The following RSRC1 variants were observed in gnomAD, a reference collection of about 807,000 sequenced individuals.
RSRC1 encodes serine/Arginine-related protein 53.
Under a neutral mutation model 49.1 loss-of-function variants are expected in RSRC1, and 39 were observed. That is an observed-to-expected ratio of 0.79 (90% CI 0.61 to 1.04). The LOEUF is 1.04. Ranked by LOEUF, RSRC1 falls within the 50% of genes least tolerant of loss-of-function variation. The probability of loss-of-function intolerance (pLI) is 0.00; values close to 1 mark genes in which losing one functional copy is unlikely to be tolerated. For synonymous variants in RSRC1, 143 were observed against 130.8 expected (o/e 1.09, Z -0.63); for missense variants, 388 against 402.4 (o/e 0.96, Z 0.31).
chr3:158,423,403 T>A (rs1459489775), intron 6 of RSRC1, among the ~76,000 whole-genome samples: 2 of 152,080 alleles, frequency 1.3e-5, no homozygotes, highest in African/African-American at 4.8e-5. Context: ...GCGGTGTTAT[T>A]TCTGAGGGCT....
intron 5 of RSRC1, among the ~76,000 whole-genome samples, chr3:158,304,400 T>C (rs1727730359): frequency 6.6e-6 from 1 of 152,132 alleles, no homozygotes. Context: ...AGTTAATGGA[T>C]CATTATCATA....
chr3:158,442,405 C>A (rs1306698362), intron 6 of RSRC1, among the ~76,000 whole-genome samples: 2 of 152,038 alleles, frequency 1.3e-5, no homozygotes, highest in East Asian at 3.9e-4. Context: ...TTAACAATGT[C>A]CCCAACATCT....
chr3:158,193,155 A>G (rs992495250), intron 3 of RSRC1, among the ~76,000 whole-genome samples: 43 of 152,090 alleles, frequency 2.8e-4, no homozygotes, highest in African/African-American at 1.0e-3. Flanking sequence ...GTCATTTTGC[A>G]GATAAGGAAA....
At chr3:158,281,342 T>C (rs1372336679) in intron 4 of RSRC1, among the ~76,000 whole-genome samples, 1 of 151,948 alleles carries the variant, frequency 6.6e-6, no homozygotes, top group African/African-American at 2.4e-5. Flanking sequence ...TTTTTTTTTT[T>C]AGATATCCAA....
chr3:158,136,410 CTTGG>C (rs1286335977), intron 3 of RSRC1, among the ~76,000 whole-genome samples: 1 of 152,122 alleles, frequency 6.6e-6, no homozygotes, highest in Non-Finnish European at 1.5e-5. Flanking sequence ...CTATTGCTTG[CTTGG>C]TAAACTTCTA....
intron 7 of RSRC1, among the ~76,000 whole-genome samples, chr3:158,467,556 T>C (rs1485087976): frequency 1.3e-5 from 2 of 152,306 alleles, no homozygotes; most frequent in Non-Finnish European, 1.5e-5. Context: ...ATACTCACCA[T>C]AGTATGCACC....
At chr3:158,453,702 T>G (rs1737170787) in intron 6 of RSRC1, among the ~76,000 whole-genome samples, 1 of 152,096 alleles carries the variant, frequency 6.6e-6, no homozygotes, top group Non-Finnish European at 1.5e-5. Context: ...TTTTTAACCT[T>G]TTCGGGTTCT....
At chr3:158,263,070 G>T (rs1315422887) in intron 4 of RSRC1, among the ~76,000 whole-genome samples, 1 of 152,042 alleles carries the variant, frequency 6.6e-6, no homozygotes, top group Admixed American at 6.5e-5. Context: ...GCACAGCATT[G>T]AATAGAAGCA....
chr3:158,438,206 A>G (rs1443283139), intron 6 of RSRC1, among the ~76,000 whole-genome samples: 2 of 152,172 alleles, frequency 1.3e-5, no homozygotes. Flanking sequence ...ATGCTCATGG[A>G]TAGAAAGAAT....
At chr3:158,167,948 C>T (rs143679851) in intron 3 of RSRC1, among the ~76,000 whole-genome samples, 16 of 152,232 alleles carry the variant, frequency 1.1e-4, no homozygotes, top group South Asian at 6.2e-4. Context: ...GGAGCAAAGG[C>T]GAGACATTCT....
chr3:158,515,953 C>T (rs1740500477), intron 7 of RSRC1, among the ~76,000 whole-genome samples: 1 of 150,962 alleles, frequency 6.6e-6, no homozygotes, highest in Non-Finnish European at 1.5e-5. Flanking sequence ...GCTCCATCAG[C>T]TCCTTTAAGC....
intron 3 of RSRC1, among the ~76,000 whole-genome samples, chr3:158,130,717 G>T (rs1239117333): frequency 6.6e-6 from 1 of 152,128 alleles, no homozygotes; most frequent in Admixed American, 6.5e-5. Context: ...GCATCATTCT[G>T]GCACTCAGAA....
intron 7 of RSRC1, among the ~76,000 whole-genome samples, chr3:158,479,458 G>A (rs781523600): frequency 9.9e-5 from 15 of 151,824 alleles, no homozygotes; most frequent in Non-Finnish European, 2.1e-4. Context: ...TTCCAAATGA[G>A]TTTGGTTTAA....
rs868428900 is a variant in RSRC1, at chr3:158,518,119, T to C, written c.653-18973T>C. Among the ~76,000 whole-genome samples, 222 of 69,944 alleles carry C rather than the reference T, an allele frequency of 3.2e-3. 4 individuals carry two copies. The highest frequency in any genetic ancestry group is 0.012 in the African/African-American group (163 of 13,598). The allele number at this position is 69,944 out of a possible 152,430, so 45.9% of individuals were successfully genotyped here. ...GCGTGTGTGTGTGTGTGTGTGTGTG[T>C]GTGTGTGTATATATATATATATATA... is the stretch of plus-strand genomic sequence containing the variant. On this transcript the variant is annotated intron_variant, in intron 7 of 9. Transcript: ENST00000611884.
chr3:158,280,637 C>CTTT (rs146925471), intron 4 of RSRC1, among the ~76,000 whole-genome samples: 1 of 63,984 alleles, frequency 1.6e-5, no homozygotes, highest in Non-Finnish European at 2.7e-5. Context: ...GAAGTGATTC[C>CTTT]TTTTTTTTTT....
intron 6 of RSRC1, among the ~76,000 whole-genome samples, chr3:158,459,036 T>TA (rs1420971310): frequency 6.6e-6 from 1 of 152,160 alleles, no homozygotes; most frequent in Admixed American, 6.6e-5. Flanking sequence ...TGATTGTTGG[T>TA]AAAATTTTCA....
intron 6 of RSRC1, among the ~76,000 whole-genome samples, chr3:158,449,779 T>G (rs1288076786): frequency 3.3e-5 from 5 of 152,164 alleles, no homozygotes; most frequent in Non-Finnish European, 7.4e-5. Context: ...ATTTCTTTCT[T>G]GAGTTCTAGT....
intron 6 of RSRC1, among the ~76,000 whole-genome samples, chr3:158,449,628 TA>T (rs764243287): frequency 3.6e-5 from 5 of 139,270 alleles, no homozygotes; most frequent in African/African-American, 1.3e-4. Context: ...TATATATATA[TA>T]TTTTTATTAT....
chr3:158,347,008 G>C (rs1265772351), intron 5 of RSRC1, among the ~76,000 whole-genome samples: 8 of 152,144 alleles, frequency 5.3e-5, no homozygotes, highest in African/African-American at 1.9e-4. Flanking sequence ...TTAAAGACCA[G>C]ATATGTTAAA....
Sources: gnomAD v4.1 joint callset for allele counts (sites outside exome capture counted in the v4.1 genomes callset) on GRCh38, gnomAD v4.1.1 for gene constraint, MANE v1.5 for transcripts, NCBI Gene and HGNC (gene_info 2026-07-23, HGNC 2026-07-21) for gene names.